The following TGFA variants were observed in gnomAD, a reference collection of about 807,000 sequenced individuals.
TGFA encodes the protein transforming growth factor alpha, also known as protransforming growth factor alpha.
A neutral mutation model predicts 21.7 loss-of-function variants in TGFA; 12 were observed. The ratio of observed to expected loss-of-function variants is 0.55; its 90% confidence interval spans 0.35 to 0.90. The LOEUF (loss-of-function observed/expected upper bound fraction) is 0.90, where lower values mean the gene tolerates loss of function less well. Among genes scored for constraint, TGFA ranks in the 40% least tolerant of loss-of-function variants. The pLI, the probability that TGFA is intolerant of heterozygous loss-of-function variation, is 0.01. For missense variants in TGFA, 178 were observed against 210.8 expected (o/e 0.84, Z 0.96); for synonymous variants, 79 against 88.1 (o/e 0.90, Z 0.58).
intron 1 of TGFA, chr2:70,553,103 C>T: frequency 7.0e-7 from 1 of 1,437,882 alleles, no homozygotes; most frequent in African/African-American, 1.4e-5. Flanking sequence ...TTCGCTCCTG[C>T]CCTCGGCGGA....
intron 1 of TGFA, chr2:70,553,479 TTCCCAGGTG>T: frequency 7.1e-7 from 1 of 1,399,720 alleles, no homozygotes; most frequent in Non-Finnish European, 9.2e-7. Flanking sequence ...CCGCTTCCCC[TTCCCAGGTG>T]TTCTCACGCA....
chr2:70,520,964 T>A (rs1672432775), intron 1 of TGFA, among the ~76,000 whole-genome samples: 1 of 152,000 alleles, frequency 6.6e-6, no homozygotes, highest in South Asian at 2.1e-4. Flanking sequence ...CAAGCCCTCC[T>A]ACACACCCAG....
At chr2:70,476,202 A>T (rs1670931696) in intron 2 of TGFA, among the ~76,000 whole-genome samples, 1 of 152,110 alleles carries the variant, frequency 6.6e-6, no homozygotes, top group South Asian at 2.1e-4. Flanking sequence ...TCAAAGAGAC[A>T]AATCATTTCC....
In TGFA at chr2:70,448,675, T is replaced by C. The variant is rs1046983782; in HGVS notation, c.*2184A>G. 6.6e-6 allele frequency: 1 copy of C among 152,218 alleles called. No homozygotes were observed. The highest frequency in any genetic ancestry group is 2.4e-5 in the African/African-American group (1 of 41,444). 9.4% of individuals were successfully genotyped at this position (152,218 alleles called of 1,614,324 possible). ...GACAATGGTCCAACCAGGCTTGCATTGATGCAGCCTCTTTTTCAGACCTGC... is the reference window on the plus strand; with the variant it reads ...GACAATGGTCCAACCAGGCTTGCATCGATGCAGCCTCTTTTTCAGACCTGC... On this transcript the variant is annotated 3_prime_UTR_variant, in exon 6 of 6. Coordinates refer to ENST00000295400, the MANE Select transcript of TGFA (RefSeq NM_003236.4).
At position 70,476,109 on chromosome 2, in the gene TGFA, T is replaced by TAAAAAAAAAAAAAAAA. The variant is rs1670926055; in HGVS notation, c.95-10374_95-10373insTTTTTTTTTTTTTTTT. On this transcript the variant is annotated intron_variant, in intron 2 of 5. Coordinates refer to ENST00000295400, the MANE Select transcript of TGFA (RefSeq NM_003236.4). ...AAAAAAAAAAAAAAAAAAAAAAAAT[T>TAAAAAAAAAAAAAAAA]AAGAAAATTACAGGTCACGATTTTG... Among the ~76,000 whole-genome samples the TAAAAAAAAAAAAAAAA allele has an allele frequency of 1.5e-4, 12 of 78,528 alleles. 1 individual carries two copies. The East Asian group carries it at 1.7e-3, about 11-fold the overall frequency. 51.5% of individuals were successfully genotyped at this position (78,528 alleles called of 152,430 possible). A position where few individuals can be genotyped will look rare whatever the true frequency, so the allele number is the denominator to read the frequency against.
intron 2 of TGFA, among the ~76,000 whole-genome samples, chr2:70,509,631 A>G (rs1672031580): frequency 6.6e-6 from 1 of 152,230 alleles, no homozygotes; most frequent in Non-Finnish European, 1.5e-5. Flanking sequence ...GACACAGGCC[A>G]GAGGAAGGAG....
chr2:70,544,111 A>C (rs1165812227), intron 1 of TGFA, among the ~76,000 whole-genome samples: 1 of 152,104 alleles, frequency 6.6e-6, no homozygotes, highest in Non-Finnish European at 1.5e-5. Context: ...TGAGAAACAT[A>C]TTTTAACATC....
At chr2:70,479,237 C>T (rs759343806) in intron 2 of TGFA, among the ~76,000 whole-genome samples, 1 of 152,108 alleles carries the variant, frequency 6.6e-6, no homozygotes, top group Non-Finnish European at 1.5e-5. Context: ...CCAGGAAGGG[C>T]ATGTGAAAAG....
chr2:70,545,833 A>T (rs1553505819), intron 1 of TGFA, among the ~76,000 whole-genome samples: 1 of 152,150 alleles, frequency 6.6e-6, no homozygotes, highest in Non-Finnish European at 1.5e-5. Context: ...AATGGGGGAA[A>T]ATACTTGCAA....
intron 1 of TGFA, among the ~76,000 whole-genome samples, chr2:70,534,284 C>A (rs1339119833): frequency 1.3e-5 from 2 of 152,344 alleles, no homozygotes; most frequent in East Asian, 3.9e-4. Context: ...AGCAACTGTG[C>A]TCTCGCAGGT....
At chr2:70,496,746 T>C (rs951183216) in intron 2 of TGFA, among the ~76,000 whole-genome samples, 4 of 152,138 alleles carry the variant, frequency 2.6e-5, no homozygotes, top group Non-Finnish European at 5.9e-5. Context: ...CTCAACAAAA[T>C]ATCAAGTGTC....
Position 70,473,880 on chromosome 2 carries a change from A to G in TGFA, c.95-8144T>C, listed in dbSNP as rs181037185. 7.0e-3 allele frequency among the ~76,000 whole-genome samples: 1,070 copies of G among 152,270 alleles called. 16 individuals are homozygous for G. Among genetic ancestry groups the G allele is most frequent in the African/African-American group, 0.025 (1,019 of 41,532 alleles). On this transcript the variant is annotated intron_variant, in intron 2 of 5. Transcript: ENST00000295400. ...AAGAGAGAAAGGTAACTATAGTGCT[A>G]CAGTTCTCTTGCTGTTCCACTTGTT...
intron 1 of TGFA, chr2:70,553,521 G>C: frequency 7.3e-7 from 1 of 1,373,322 alleles, no homozygotes; most frequent in South Asian, 1.9e-5. Flanking sequence ...CCACTTTCCC[G>C]GGGAAGCCTC....
intron 2 of TGFA, among the ~76,000 whole-genome samples, chr2:70,504,463 T>TATATATATATATAC (rs1224115401): frequency 1.7e-3 from 85 of 48,788 alleles, no homozygotes; most frequent in East Asian, 7.9e-3. Context: ...TATATATATA[T>TATATATATATATAC]ACACACATAC....
At chr2:70,475,546 G>T (rs1305586863) in intron 2 of TGFA, among the ~76,000 whole-genome samples, 8 of 152,118 alleles carry the variant, frequency 5.3e-5, no homozygotes, top group African/African-American at 1.7e-4. Context: ...GTGAGAGAGA[G>T]TTGAGAGTTA....
At chr2:70,530,163 A>C (rs1553503562) in intron 1 of TGFA, among the ~76,000 whole-genome samples, 1 of 152,220 alleles carries the variant, frequency 6.6e-6, no homozygotes, top group African/African-American at 2.4e-5. Context: ...AACATGAAGA[A>C]GTAGGAACTC....
intron 1 of TGFA, among the ~76,000 whole-genome samples, chr2:70,547,664 T>C (rs1433350563): frequency 1.3e-5 from 2 of 148,886 alleles, no homozygotes; most frequent in African/African-American, 2.4e-5. Flanking sequence ...AAAGAATAGA[T>C]ACTTACACTA....
chr2:70,455,228 G>C (rs1329425580), intron 4 of TGFA, among the ~76,000 whole-genome samples: 2 of 152,214 alleles, frequency 1.3e-5, no homozygotes, highest in Non-Finnish European at 2.9e-5. Flanking sequence ...CCAGGAGAAG[G>C]ATGTGAGCAG....
In TGFA at chr2:70,474,481, T is replaced by C. The variant is rs573225259; in HGVS notation, c.95-8745A>G. 6.6e-5 allele frequency among the ~76,000 whole-genome samples: 10 copies of C among 152,352 alleles called. No homozygotes were observed. In the South Asian group the frequency reaches 2.1e-3, roughly 32 times the overall value. ...TTCTAGTAATCAGAAAGGGGCACTT[T>C]CAGGAGAAACAAGAGGAAGTATTAC... On this transcript the variant is annotated intron_variant, in intron 2 of 5. Coordinates refer to ENST00000295400, the MANE Select transcript of TGFA (RefSeq NM_003236.4).
Sources: gnomAD v4.1 joint callset for allele counts (sites outside exome capture counted in the v4.1 genomes callset) on GRCh38, gnomAD v4.1.1 for gene constraint, MANE v1.5 for transcripts, NCBI Gene and HGNC (gene_info 2026-07-23, HGNC 2026-07-21) for gene names.